The following ZNF385D variants were observed in gnomAD, a reference collection of about 807,000 sequenced individuals.
ZNF385D encodes zinc finger protein 385D, also known as zinc finger protein 659.
In ZNF385D, 15 loss-of-function variants were observed where a neutral mutation model predicts 35.8. The ratio of observed to expected loss-of-function variants is 0.42; its 90% confidence interval spans 0.28 to 0.64. ZNF385D has a LOEUF of 0.64. Among genes scored for constraint, ZNF385D ranks in the 30% least tolerant of loss-of-function variants. The pLI is 0.23. For synonymous variants in ZNF385D, 212 were observed against 186.8 expected (o/e 1.13, Z -1.10); for missense variants, 474 against 494.6 (o/e 0.96, Z 0.39).
intron 3 of ZNF385D, among the ~76,000 whole-genome samples, chr3:21,951,228 G>C (rs1338098511): frequency 6.6e-6 from 1 of 151,706 alleles, no homozygotes; most frequent in Non-Finnish European, 1.5e-5. Context: ...TCCTTGAGCA[G>C]TGGTTTGTAG....
chr3:22,195,649 T>C (rs1241983802), intron 2 of ZNF385D, among the ~76,000 whole-genome samples: 1 of 152,050 alleles, frequency 6.6e-6, no homozygotes, highest in Non-Finnish European at 1.5e-5. Context: ...CTTTTTACAC[T>C]ACTAACAAAG....
chr3:21,974,969 G>C lies in ZNF385D; in HGVS notation c.325+193848C>G, dbSNP rs943007975. Among the ~76,000 whole-genome samples, 5 of 152,162 alleles carry C rather than the reference G, an allele frequency of 3.3e-5. No individual in the cohort carries two copies. In the East Asian group the frequency reaches 7.7e-4, roughly 23 times the overall value. On this transcript the variant is annotated intron_variant, in intron 3 of 5. Transcript: ENST00000494108. ...CGGGAACCCTCGAACACTGTTAGTG[G>C]AAATGAAATTAGTACAACCACTATA...
chr3:21,731,759 C>T lies in ZNF385D; in HGVS notation c.22+19136G>A, dbSNP rs183032588. ...CACACATAAATGAACCCACACAGTT[C>T]AAACTCATGTCATTCAAGGGTCAAA... is the stretch of plus-strand genomic sequence containing the variant. On this transcript the variant is annotated intron_variant, in intron 1 of 7. Transcript: ENST00000281523. Among the ~76,000 whole-genome samples the T allele has an allele frequency of 1.2e-3, 186 of 152,254 alleles. 2 individuals are homozygous for T. Among genetic ancestry groups the T allele is most frequent in the Non-Finnish European group, 7.2e-4 (49 of 68,022 alleles).
At chr3:22,030,297 A>C (rs867204333) in intron 3 of ZNF385D, among the ~76,000 whole-genome samples, 6 of 110,154 alleles carry the variant, frequency 5.4e-5, no homozygotes, top group African/African-American at 2.4e-4. Context: ...ATATATATAT[A>C]TATATCCTAT....
At chr3:22,066,651 T>C (rs562179577) in intron 3 of ZNF385D, among the ~76,000 whole-genome samples, 1 of 151,760 alleles carries the variant, frequency 6.6e-6, no homozygotes, top group East Asian at 1.9e-4. Context: ...TCAGGGCAGC[T>C]TTGGTGTTGT....
chr3:21,632,677 G>A (rs964937168), intron 2 of ZNF385D, among the ~76,000 whole-genome samples: 1 of 152,110 alleles, frequency 6.6e-6, no homozygotes, highest in Non-Finnish European at 1.5e-5. Context: ...AACGACAAAT[G>A]TATTTTCAGA....
intron 1 of ZNF385D, among the ~76,000 whole-genome samples, chr3:21,689,116 C>G (rs1478887159): frequency 6.9e-6 from 1 of 143,924 alleles, no homozygotes; most frequent in Non-Finnish European, 1.5e-5. Flanking sequence ...CTGTCCTGCC[C>G]CACCTTATTG....
intron 3 of ZNF385D, among the ~76,000 whole-genome samples, chr3:22,098,541 A>C (rs892680962): frequency 6.6e-6 from 1 of 152,078 alleles, no homozygotes; most frequent in Non-Finnish European, 1.5e-5. Flanking sequence ...CATTCTAAGA[A>C]TGGTCATTTT....
At chr3:21,957,834 G>T (rs375032261) in intron 3 of ZNF385D, among the ~76,000 whole-genome samples, 4 of 151,988 alleles carry the variant, frequency 2.6e-5, no homozygotes, top group East Asian at 1.9e-4. Flanking sequence ...TAGCCCATAG[G>T]TTCTCTCTCC....
intron 3 of ZNF385D, among the ~76,000 whole-genome samples, chr3:22,142,968 G>A (rs573692006): frequency 6.6e-6 from 1 of 151,642 alleles, no homozygotes; most frequent in Non-Finnish European, 1.5e-5. Flanking sequence ...CTGCCCGTAA[G>A]TTTGAATGAG....
Position 22,149,067 on chromosome 3 carries a change from CA to C in ZNF385D, c.325+19749del, listed in dbSNP as rs200699354. On this transcript the variant is annotated intron_variant, in intron 3 of 5. Transcript: ENST00000494108. The stretch of plus-strand genomic sequence containing the variant: ...GCTAATCAAACTGTGATCCCAGGAC[CA>C]GCAGCCGCAGCATCAACTAAGAGCT... Among the ~76,000 whole-genome samples the C allele has an allele frequency of 5.5e-3, 835 of 152,216 alleles. 5 individuals are homozygous for C. The highest frequency in any genetic ancestry group is 0.018 in the African/African-American group (733 of 41,548).
chr3:21,989,390 A>G (rs1695019931), intron 3 of ZNF385D, among the ~76,000 whole-genome samples: 1 of 152,154 alleles, frequency 6.6e-6, no homozygotes, highest in African/African-American at 2.4e-5. Context: ...CAAATTACGT[A>G]GGAATACAGT....
chr3:22,190,484 T>C (rs575938183), intron 2 of ZNF385D, among the ~76,000 whole-genome samples: 2 of 152,310 alleles, frequency 1.3e-5, no homozygotes, highest in East Asian at 1.9e-4. Flanking sequence ...CAAATATATG[T>C]GTCAAGGAAT....
chr3:21,884,665 T>C (rs143402058), intron 3 of ZNF385D, among the ~76,000 whole-genome samples: 1 of 152,176 alleles, frequency 6.6e-6, no homozygotes, highest in South Asian at 2.1e-4. Context: ...CTATCATCTG[T>C]TCTCTAAAGT....
intron 1 of ZNF385D, among the ~76,000 whole-genome samples, chr3:21,719,690 ACT>A (rs1559549822): frequency 6.6e-6 from 1 of 151,984 alleles, no homozygotes; most frequent in Non-Finnish European, 1.5e-5. Context: ...ATCATGTAAG[ACT>A]CTCTAGCGCC....
chr3:22,167,336 T>G (rs1296286796), intron 3 of ZNF385D, among the ~76,000 whole-genome samples: 2 of 152,148 alleles, frequency 1.3e-5, no homozygotes, highest in Non-Finnish European at 1.5e-5. Flanking sequence ...GCATGTACTC[T>G]CCTATTCTGA....
intron 3 of ZNF385D, among the ~76,000 whole-genome samples, chr3:21,939,936 G>T (rs574833811): frequency 7.9e-5 from 12 of 152,266 alleles, no homozygotes; most frequent in Non-Finnish European, 1.6e-4. Context: ...AGTGATGAAT[G>T]GAAGAGTATT....
chr3:21,711,265 T>C (rs2068097686), intron 1 of ZNF385D, among the ~76,000 whole-genome samples: 1 of 151,704 alleles, frequency 6.6e-6, no homozygotes, highest in South Asian at 2.1e-4. Flanking sequence ...ATGGTCTCGA[T>C]CTCCTGACCT....
chr3:21,706,814 T>TGATAGATAGATA lies in ZNF385D; in HGVS notation c.23-41798_23-41787dup, dbSNP rs67457933. 2.7e-3 allele frequency among the ~76,000 whole-genome samples: 406 copies of TGATAGATAGATA among 150,324 alleles called. 2 individuals are homozygous for TGATAGATAGATA. The highest frequency in any genetic ancestry group is 7.3e-3 in the African/African-American group (295 of 40,610). On this transcript the variant is annotated intron_variant, in intron 1 of 7. Coordinates refer to ENST00000281523, the MANE Select transcript of ZNF385D (RefSeq NM_024697.3). ...TTTAGATAGACACAAAGATAATAGA[T>TGATAGATAGATA]GATAGATAGATAGATAGATAGATAG... is the stretch of plus-strand genomic sequence containing the variant.
Sources: gnomAD v4.1 joint callset for allele counts (sites outside exome capture counted in the v4.1 genomes callset) on GRCh38, gnomAD v4.1.1 for gene constraint, MANE v1.5 for transcripts, NCBI Gene and HGNC (gene_info 2026-07-23, HGNC 2026-07-21) for gene names.